The following CSMD2 variants were observed in gnomAD, a reference collection of about 807,000 sequenced individuals.
CSMD2 encodes the protein CUB and sushi domain-containing protein 2.
Under a neutral mutation model 398.5 loss-of-function variants are expected in CSMD2, and 130 were observed. That is an observed-to-expected ratio of 0.33 (90% CI 0.28 to 0.38). CSMD2 has a LOEUF of 0.38. Ranked by LOEUF, CSMD2 falls within the 10% of genes least tolerant of loss-of-function variation. The probability of loss-of-function intolerance (pLI) is 1.00; values close to 1 mark genes in which losing one functional copy is unlikely to be tolerated. For synonymous variants in CSMD2, 1,828 were observed against 1,908.5 expected (o/e 0.96, Z 1.10); for missense variants, 3,829 against 4,764.9 (o/e 0.80, Z 5.78).
rs554270364 is a variant in CSMD2, at chr1:33,602,392, G to A, written c.6687C>T (p.Pro2229=). Residue 2229 remains proline, a synonymous_variant, in exon 43 of 71, where the codon CCC becomes CCT. Coordinates refer to ENST00000373381, the MANE Select transcript of CSMD2 (RefSeq NM_001281956.2). ...ACCAGATGGTGATGAAATCTCCAGAGGGCTCTGTCTGCAGCAGGCTGAGGT... is the reference window on the plus strand; with the variant it reads ...ACCAGATGGTGATGAAATCTCCAGAAGGCTCTGTCTGCAGCAGGCTGAGGT... ...RLNLSLLQTE[P]SGDFITIWDG... is the part of the protein sequence containing the mutation. 2.5e-6 allele frequency: 4 copies of A among 1,613,788 alleles called. No homozygotes were observed. Among genetic ancestry groups the A allele is most frequent in the Admixed American group, 3.3e-5 (2 of 59,938 alleles).
At chr1:33,928,081 G>A (rs1644188732) in intron 4 of CSMD2, among the ~76,000 whole-genome samples, 1 of 152,328 alleles carries the variant, frequency 6.6e-6, no homozygotes, top group South Asian at 2.1e-4. Context: ...GAACCATCAG[G>A]CTGGAGAAGC....
chr1:34,035,082 C>T (rs1301964789), intron 2 of CSMD2, among the ~76,000 whole-genome samples: 1 of 152,134 alleles, frequency 6.6e-6, no homozygotes, highest in Non-Finnish European at 1.5e-5. Flanking sequence ...TAAGGAAATA[C>T]TACAAATTAC....
chr1:33,737,764 T>C (rs144889129), intron 15 of CSMD2, among the ~76,000 whole-genome samples: 11 of 152,308 alleles, frequency 7.2e-5, no homozygotes, highest in African/African-American at 2.6e-4. Context: ...ATTGAGCATC[T>C]ACCAAGTATC....
intron 10 of CSMD2, chr1:33,804,834 A>G (rs1280220124): frequency 1.4e-6 from 1 of 717,420 alleles, no homozygotes; most frequent in East Asian, 2.7e-5. Context: ...CCTCAGTCTT[A>G]GACTTTGAGT....
At chr1:33,898,927 C>G (rs371980132) in intron 5 of CSMD2, among the ~76,000 whole-genome samples, 14 of 152,312 alleles carry the variant, frequency 9.2e-5, no homozygotes, top group African/African-American at 3.1e-4. Context: ...GCCAAACAGA[C>G]AGCAAACAGA....
At chr1:34,124,685 C>T (rs938580411) in intron 1 of CSMD2, among the ~76,000 whole-genome samples, 8 of 152,190 alleles carry the variant, frequency 5.3e-5, no homozygotes, top group Non-Finnish European at 1.2e-4. Flanking sequence ...ACTTATCATT[C>T]CAAGGTCCCA....
At chr1:33,855,081 G>T (rs1399606735) in intron 5 of CSMD2, among the ~76,000 whole-genome samples, 3 of 152,192 alleles carry the variant, frequency 2.0e-5, no homozygotes. Context: ...ATCAGAACTG[G>T]TGCTGATGCC....
chr1:33,696,798 T>C (rs1425520365), intron 24 of CSMD2, among the ~76,000 whole-genome samples: 1 of 152,126 alleles, frequency 6.6e-6, no homozygotes, highest in Admixed American at 6.6e-5. Flanking sequence ...ATTGAGAACA[T>C]GTAAGTCTAC....
intron 8 of CSMD2, 61 bp from the exon 9 acceptor site, chr1:33,819,898 C>T: frequency 6.3e-7 from 1 of 1,599,442 alleles, no homozygotes; most frequent in African/African-American, 1.3e-5. Context: ...CGCCCCAAGT[C>T]CTTCCTGGTT....
chr1:33,928,753 G>A (rs1422955715), intron 4 of CSMD2, among the ~76,000 whole-genome samples: 1 of 152,338 alleles, frequency 6.6e-6, no homozygotes, highest in East Asian at 1.9e-4. Flanking sequence ...GCCTTGGGTA[G>A]CTGTGGTCGC....
intron 5 of CSMD2, chr1:33,864,256 A>G (rs1639784359): frequency 2.5e-6 from 4 of 1,613,290 alleles, no homozygotes; most frequent in South Asian, 2.2e-5. Flanking sequence ...TTTTTGCTGA[A>G]TTACAGAAAC....
chr1:33,807,965 G>C (rs1270715031), intron 10 of CSMD2, among the ~76,000 whole-genome samples: 1 of 152,076 alleles, frequency 6.6e-6, no homozygotes, highest in Non-Finnish European at 1.5e-5. Flanking sequence ...AGAGAAAACT[G>C]ATGCAATGGA....
intron 1 of CSMD2, among the ~76,000 whole-genome samples, chr1:34,110,027 C>T (rs7526575): frequency 1.7e-5 from 2 of 121,090 alleles, no homozygotes; most frequent in African/African-American, 3.3e-5. Context: ...GGTGACAGAA[C>T]GAGACTCTGT....
chr1:33,931,148 C>T (rs768462752), intron 4 of CSMD2, among the ~76,000 whole-genome samples: 10 of 152,224 alleles, frequency 6.6e-5, no homozygotes, highest in South Asian at 2.1e-4. Context: ...TCCAGACAGC[C>T]GTTCATTCAG....
intron 3 of CSMD2, among the ~76,000 whole-genome samples, chr1:33,973,891 T>C (rs1645863341): frequency 1.3e-5 from 2 of 151,784 alleles, no homozygotes; most frequent in African/African-American, 2.4e-5. Flanking sequence ...CTGAGAGGGG[T>C]AGGAAGAATC....
intron 6 of CSMD2, among the ~76,000 whole-genome samples, chr1:33,840,557 G>A (rs1660750993): frequency 6.6e-6 from 1 of 152,194 alleles, no homozygotes; most frequent in African/African-American, 2.4e-5. Context: ...CACTGAACCA[G>A]GCACACAGAA....
rs10127687 is a variant in CSMD2 at position 33,844,222 on chromosome 1, C to T, written c.1033+2662G>A. 6.9e-3 allele frequency among the ~76,000 whole-genome samples: 1,051 copies of T among 152,226 alleles called. 14 individuals are homozygous for T. Among genetic ancestry groups the T allele is most frequent in the African/African-American group, 0.024 (993 of 41,542 alleles). On this transcript the variant is annotated intron_variant, in intron 6 of 70. Coordinates refer to ENST00000373381, the MANE Select transcript of CSMD2 (RefSeq NM_001281956.2). ...GAGTAGTAGTTGTCAACTGGAGGTGCTTGTGCACATAGGGACATCTGGCAA... is the reference window on the plus strand; with the variant it reads ...GAGTAGTAGTTGTCAACTGGAGGTGTTTGTGCACATAGGGACATCTGGCAA...
chr1:34,094,415 C>A (rs970174672), intron 1 of CSMD2, among the ~76,000 whole-genome samples: 4 of 151,762 alleles, frequency 2.6e-5, no homozygotes, highest in Non-Finnish European at 5.9e-5. Context: ...ACACTATTAA[C>A]TTTAAATGTA....
In CSMD2 at chr1:33,798,162, C is replaced by G. The variant is rs1655171546; in HGVS notation, c.1447-5636G>C. ...CTATAATGACTCATTAACTAACATG[C>G]AGATCAATCAAGCTCACAAAGCGCC... On this transcript the variant is annotated intron_variant, in intron 10 of 70. Coordinates refer to ENST00000373381, the MANE Select transcript of CSMD2 (RefSeq NM_001281956.2). Among the ~76,000 whole-genome samples, 3 of 152,126 alleles carry G rather than the reference C, an allele frequency of 2.0e-5. No homozygotes were observed. The South Asian group carries it at 6.2e-4, about 32-fold the overall frequency.
Sources: gnomAD v4.1 joint callset for allele counts (sites outside exome capture counted in the v4.1 genomes callset) on GRCh38, gnomAD v4.1.1 for gene constraint, MANE v1.5 for transcripts, NCBI Gene and HGNC (gene_info 2026-07-23, HGNC 2026-07-21) for gene names.